Variants in RNF212 observed in about 807,000 individuals in gnomAD.
RNF212 encodes the protein ring finger protein 212, also known as probable E3 SUMO-protein ligase RNF212.
RNF212 carries 33 observed loss-of-function variants against 34.7 expected under a neutral mutation model. The ratio of observed to expected loss-of-function variants is 0.95; its 90% confidence interval spans 0.72 to 1.27. RNF212 has a LOEUF of 1.27. Ranked by LOEUF, RNF212 falls within the 50% of genes most tolerant of loss-of-function variation. RNF212 has a pLI of 0.00. For missense variants in RNF212, 377 were observed against 362.2 expected, an observed-to-expected ratio of 1.04 and a Z score of -0.33; for synonymous variants, 140 against 136.1, an observed-to-expected ratio of 1.03 and a Z score of -0.20.
intron 3 of RNF212, among the ~76,000 whole-genome samples, chr4:1,091,539 C>A (rs905514520): frequency 6.6e-6 from 1 of 152,176 alleles, no homozygotes; most frequent in Non-Finnish European, 1.5e-5. Context: ...TGAAAGTCGG[C>A]GTCCTCTAGC....
chr4:1,086,394 GT>G (rs1721166949), intron 4 of RNF212, among the ~76,000 whole-genome samples: 1 of 151,750 alleles, frequency 6.6e-6, no homozygotes, highest in Non-Finnish European at 1.5e-5. Flanking sequence ...GGATCCCACT[GT>G]CCAGTCTGTA....
At position 1,078,728 on chromosome 4, in the gene RNF212, A is replaced by T. The variant is rs191788993; in HGVS notation, c.510+915T>A. On this transcript the variant is annotated intron_variant, in intron 8 of 9. Coordinates refer to ENST00000433731, the MANE Select transcript of RNF212 (RefSeq NM_001131034.4). ...GGGACCAGCACGGGACCAACATGGG[A>T]CCAGCAGAGGATCAACGCAGGATCA... 2.6e-3 allele frequency among the ~76,000 whole-genome samples: 403 copies of T among 152,316 alleles called. 2 individuals carry two copies. Among genetic ancestry groups the T allele is most frequent in the Admixed American group, 4.5e-3 (69 of 15,302 alleles).
chr4:1,078,581 A>G (rs1449240359), intron 8 of RNF212, among the ~76,000 whole-genome samples: 1 of 152,230 alleles, frequency 6.6e-6, no homozygotes, highest in African/African-American at 2.4e-5. Context: ...CTGGGCTGAC[A>G]AAGTTTACTA....
At chr4:1,112,342 G>A (rs1725816856) in intron 1 of RNF212, among the ~76,000 whole-genome samples, 1 of 152,188 alleles carries the variant, frequency 6.6e-6, no homozygotes, top group Non-Finnish European at 1.5e-5. Context: ...GAGGATGGAG[G>A]TCAGCACAGC....
intron 4 of RNF212, among the ~76,000 whole-genome samples, chr4:1,088,711 C>T (rs1721723731): frequency 1.3e-5 from 2 of 152,338 alleles, no homozygotes; most frequent in South Asian, 4.1e-4. Flanking sequence ...GGGCCAAGGC[C>T]CCCTGCCCAA....
Position 1,073,081 on chromosome 4 carries a change from G to C in RNF212, c.687C>G (p.Val229=). The change falls in exon 10 of 10, where the codon GTC becomes GTG. Residue 229 remains valine (V), a synonymous_variant. Transcript: ENST00000433731. The stretch of plus-strand genomic sequence containing the variant: ...CTAGGAGGAGCAGCCAGTGAGGACA[G>C]ACGTCTATGCAGAAACATGGTGAAC... ...SRGSPCFCID[V]CPHWLLLLAF... The C allele has an allele frequency of 6.2e-7, 1 of 1,614,224 alleles. No homozygotes were observed. Among genetic ancestry groups the C allele is most frequent in the Non-Finnish European group, 8.5e-7 (1 of 1,180,034 alleles).
chr4:1,095,266 C>A (rs1367144536), intron 3 of RNF212, among the ~76,000 whole-genome samples: 1 of 99,784 alleles, frequency 1.0e-5, no homozygotes, highest in Non-Finnish European at 1.9e-5. Flanking sequence ...ATCACGGAAC[C>A]AAGCACACCC....
chr4:1,085,749 G>T, intron 5 of RNF212, 147 bp downstream of exon 5: 1 of 662,014 alleles, frequency 1.5e-6, no homozygotes, highest in Non-Finnish European at 2.7e-6. Context: ...CAGCATTTTT[G>T]CTCTGATGAA....
chr4:1,081,820 G>C, intron 5 of RNF212: 1 of 569,842 alleles, frequency 1.8e-6, no homozygotes, highest in Non-Finnish European at 3.1e-6. Flanking sequence ...CTGAAGCCAA[G>C]TGAACTCAAC....
intron 8 of RNF212, among the ~76,000 whole-genome samples, chr4:1,074,646 C>T (rs546306894): frequency 5.9e-5 from 9 of 152,302 alleles, no homozygotes; most frequent in Admixed American, 4.6e-4. Flanking sequence ...GACGGACCCC[C>T]CTGCTTGGCA....
intron 2 of RNF212, among the ~76,000 whole-genome samples, chr4:1,099,188 C>T (rs1366553882): frequency 2.6e-5 from 4 of 152,150 alleles, no homozygotes; most frequent in Non-Finnish European, 2.9e-5. Flanking sequence ...AGCCAGGTGC[C>T]GGAATTTTCA....
intron 2 of RNF212, among the ~76,000 whole-genome samples, chr4:1,104,067 C>T (rs564883720): frequency 6.6e-6 from 1 of 152,348 alleles, no homozygotes; most frequent in East Asian, 1.9e-4. Flanking sequence ...TTTTTATATA[C>T]TAGCAATAAG....
intron 7 of RNF212, 24 bp downstream of exon 7, chr4:1,081,395 G>A: frequency 6.2e-7 from 1 of 1,608,548 alleles, no homozygotes; most frequent in African/African-American, 1.3e-5. Context: ...CAGGTCCTGT[G>A]ATTTCTGCAA....
At chr4:1,107,056 A>ATT (rs963709472) in intron 2 of RNF212, among the ~76,000 whole-genome samples, 1 of 143,838 alleles carries the variant, frequency 7.0e-6, no homozygotes, top group Non-Finnish European at 1.5e-5. Flanking sequence ...AGAAGATACC[A>ATT]TTTTTTTTTT....
intron 2 of RNF212, among the ~76,000 whole-genome samples, chr4:1,097,583 CA>C (rs1723260246): frequency 6.6e-6 from 1 of 152,088 alleles, no homozygotes; most frequent in Non-Finnish European, 1.5e-5. Context: ...CCAGCCTGGG[CA>C]AAAGAAACAG....
chr4:1,103,980 G>A (rs936937389), intron 2 of RNF212, among the ~76,000 whole-genome samples: 1 of 151,040 alleles, frequency 6.6e-6, no homozygotes, highest in Non-Finnish European at 1.5e-5. Context: ...TGTTCTAGCA[G>A]AATCTACACA....
intron 8 of RNF212, among the ~76,000 whole-genome samples, chr4:1,077,990 C>T (rs570502815): frequency 2.6e-5 from 4 of 152,184 alleles, no homozygotes; most frequent in Admixed American, 1.3e-4. Flanking sequence ...TTCTCTTTCA[C>T]GGAAGCTGTG....
intron 3 of RNF212, among the ~76,000 whole-genome samples, chr4:1,091,723 A>C (rs1430770850): frequency 2.0e-5 from 3 of 152,220 alleles, no homozygotes; most frequent in Non-Finnish European, 4.4e-5. Context: ...CTCCTCCATG[A>C]GAGGCCATCT....
chr4:1,062,161 C>A (rs1285315133), intron 3 of RNF212, among the ~76,000 whole-genome samples: 6 of 152,184 alleles, frequency 3.9e-5, no homozygotes, highest in Non-Finnish European at 8.8e-5. Flanking sequence ...ACACCAAAAG[C>A]AGACAGAAAC....
Sources: allele counts gnomAD v4.1 joint callset (sites outside exome capture counted in the v4.1 genomes callset), GRCh38; gene constraint gnomAD v4.1.1; transcripts MANE v1.5; gene names NCBI Gene and HGNC (gene_info 2026-07-23, HGNC 2026-07-21).